Variants in STRN observed in about 807,000 individuals in gnomAD.
The protein encoded by STRN is striatin.
In STRN, 53 loss-of-function variants were observed where a neutral mutation model predicts 96.3. The ratio of observed to expected loss-of-function variants is 0.55; its 90% CI spans 0.44 to 0.69. The LOEUF is 0.69. STRN is among the 30% of genes least tolerant of loss of function. STRN has a pLI of 0.00. For synonymous variants in STRN, 428 were observed against 355.9 expected, an observed-to-expected ratio of 1.20 and a Z score of -2.28; for missense variants, 987 against 963.9, an observed-to-expected ratio of 1.02 and a Z score of -0.32.
At chr2:36,892,066 CAG>C (rs1669415773) in intron 7 of STRN, among the ~76,000 whole-genome samples, 2 of 152,136 alleles carry the variant, frequency 1.3e-5, no homozygotes, top group Non-Finnish European at 2.9e-5. Context: ...AACATTTAGA[CAG>C]AATTAATACC....
chr2:36,909,894 C>T (rs776869082), intron 3 of STRN, among the ~76,000 whole-genome samples: 24 of 152,018 alleles, frequency 1.6e-4, no homozygotes, highest in Non-Finnish European at 3.1e-4. Flanking sequence ...TTTTTCAGGC[C>T]GGGCGCAGTG....
rs550735456 is a variant in STRN, at chr2:36,846,815, G to T, written c.*2641C>A. 2.6e-5 allele frequency: 4 copies of T among 152,160 alleles called. No individual in the cohort carries two copies. The South Asian group carries it at 8.3e-4, about 32-fold the overall frequency. 9.4% of individuals were successfully genotyped at this position (152,160 alleles called of 1,614,324 possible). On this transcript the variant is annotated 3_prime_UTR_variant, in exon 18 of 18. Coordinates refer to ENST00000263918, the MANE Select transcript of STRN (RefSeq NM_003162.4). The stretch of plus-strand genomic sequence containing the variant: ...CCATATGACAGTTGAGTTTTGAGAA[G>T]GGTGCTGCAAGCTCCCAGAGATGTA...
At chr2:36,872,370 G>C (rs1012819427) in intron 10 of STRN, among the ~76,000 whole-genome samples, 1 of 152,144 alleles carries the variant, frequency 6.6e-6, no homozygotes, top group Non-Finnish European at 1.5e-5. Context: ...AACAACCACA[G>C]GAAGAGCTTG....
At chr2:36,906,858 T>C (rs887750956) in intron 3 of STRN, among the ~76,000 whole-genome samples, 3 of 151,668 alleles carry the variant, frequency 2.0e-5, no homozygotes, top group African/African-American at 4.8e-5. Flanking sequence ...GAAGCGGAGG[T>C]TGCAGTGAGC....
chr2:36,853,658 C>A (rs1035587361), intron 15 of STRN, among the ~76,000 whole-genome samples: 1 of 152,168 alleles, frequency 6.6e-6, no homozygotes, highest in South Asian at 2.1e-4. Flanking sequence ...TAATTTATTC[C>A]TATTCTAACA....
intron 15 of STRN, among the ~76,000 whole-genome samples, chr2:36,851,482 C>T (rs1169659507): frequency 6.6e-6 from 1 of 150,386 alleles, no homozygotes. Context: ...GACTCCATTT[C>T]AAAAAAAGAA....
intron 2 of STRN, among the ~76,000 whole-genome samples, chr2:36,922,361 A>C (rs572146324): frequency 8.5e-4 from 130 of 152,082 alleles, no homozygotes; most frequent in Non-Finnish European, 1.5e-3. Context: ...TCTCTAAAAA[A>C]TTAAAAATTT....
intron 1 of STRN, among the ~76,000 whole-genome samples, chr2:36,964,272 G>GT (rs1396593481): frequency 0.037 from 4,892 of 132,792 alleles, 122 homozygotes; most frequent in African/African-American, 0.083. Flanking sequence ...TTTTGTTTTT[G>GT]TTTTTTTTTT....
intron 6 of STRN, among the ~76,000 whole-genome samples, chr2:36,899,137 A>G (rs1483090994): frequency 2.0e-5 from 3 of 152,198 alleles, no homozygotes; most frequent in Non-Finnish European, 2.9e-5. Context: ...CAATCCTGAC[A>G]AGAGACAAAA....
chr2:36,911,612 T>C (rs929289609), intron 3 of STRN, among the ~76,000 whole-genome samples: 5 of 152,196 alleles, frequency 3.3e-5, no homozygotes, highest in African/African-American at 4.8e-5. Flanking sequence ...TTTGCTGACC[T>C]GCTCTAGACC....
At chr2:36,930,720 G>C (rs1399588116) in intron 1 of STRN, among the ~76,000 whole-genome samples, 1 of 151,966 alleles carries the variant, frequency 6.6e-6, no homozygotes, top group African/African-American at 2.4e-5. Flanking sequence ...GAAACAGTCT[G>C]TTAAGGAGCA....
At chr2:36,854,500 G>C (rs1668296161) in intron 15 of STRN, among the ~76,000 whole-genome samples, 1 of 152,180 alleles carries the variant, frequency 6.6e-6, no homozygotes, top group Non-Finnish European at 1.5e-5. Context: ...GAGAGAGACA[G>C]AGAGTGAGAA....
chr2:36,905,062 C>T (rs528734608), intron 4 of STRN, among the ~76,000 whole-genome samples: 31 of 151,572 alleles, frequency 2.0e-4, no homozygotes, highest in Non-Finnish European at 3.7e-4. Flanking sequence ...CTCCACCTCC[C>T]GGGTTCAAGC....
intron 3 of STRN, among the ~76,000 whole-genome samples, chr2:36,915,761 A>G (rs1192061725): frequency 6.6e-6 from 1 of 152,202 alleles, no homozygotes; most frequent in Non-Finnish European, 1.5e-5. Flanking sequence ...TGCACATCTG[A>G]AAGTTCCCAT....
chr2:36,945,293 G>A (rs1203372018), intron 1 of STRN, among the ~76,000 whole-genome samples: 2 of 152,184 alleles, frequency 1.3e-5, no homozygotes, highest in Non-Finnish European at 2.9e-5. Context: ...TGCAGACCAA[G>A]CGATGTCTAA....
rs1408023692 is a variant in STRN at position 36,964,182 on chromosome 2, G to GC, written c.234+2047_234+2048insG. The stretch of plus-strand genomic sequence containing the variant: ...ACGAGGAGAGGGAGTGAACGGGGCG[G>GC]GGCGGGGGGAAGGATGGGTTGGAAT... On this transcript the variant is annotated intron_variant, in intron 1 of 17. Coordinates refer to ENST00000263918, the MANE Select transcript of STRN (RefSeq NM_003162.4). 2.5e-4 allele frequency among the ~76,000 whole-genome samples: 33 copies of GC among 133,196 alleles called. No homozygotes were observed. In the East Asian group the frequency reaches 5.6e-3, roughly 23 times the overall value. The allele number at this position is 133,196 out of a possible 152,430, so 87.4% of individuals were successfully genotyped here.
intron 14 of STRN, among the ~76,000 whole-genome samples, chr2:36,856,160 C>T (rs918070697): frequency 5.9e-5 from 9 of 152,150 alleles, no homozygotes; most frequent in Non-Finnish European, 1.2e-4. Flanking sequence ...AACAGACTGA[C>T]AATACTGTAT....
intron 7 of STRN, among the ~76,000 whole-genome samples, chr2:36,889,553 G>A (rs147592093): frequency 8.0e-6 from 1 of 125,762 alleles, no homozygotes; most frequent in African/African-American, 3.0e-5. Flanking sequence ...GAAGATGTAT[G>A]GTAAAATCTT....
chr2:36,941,553 CTT>C (rs1048837614), intron 1 of STRN, among the ~76,000 whole-genome samples: 1 of 145,058 alleles, frequency 6.9e-6, no homozygotes. Context: ...CTTATGTAAA[CTT>C]TTTTTTTTTT....
Sources: gnomAD v4.1 joint callset for allele counts (sites outside exome capture counted in the v4.1 genomes callset) on GRCh38, gnomAD v4.1.1 for gene constraint, MANE v1.5 for transcripts, NCBI Gene and HGNC (gene_info 2026-07-23, HGNC 2026-07-21) for gene names.